Variants in XRCC4 observed in about 807,000 individuals in gnomAD.
The protein encoded by XRCC4 is X-ray repair cross complementing 4.
A neutral mutation model predicts 39.1 loss-of-function variants in XRCC4; 28 were observed. That is an observed-to-expected ratio of 0.72 (90% CI 0.53 to 0.98). XRCC4 has a LOEUF of 0.98. Ranked by LOEUF, XRCC4 falls within the 50% of genes least tolerant of loss-of-function variation. The probability of loss-of-function intolerance (pLI) is 0.00; values close to 1 mark genes in which losing one functional copy is unlikely to be tolerated. For synonymous variants in XRCC4, 123 were observed against 126.4 expected (o/e 0.97, Z 0.18); for missense variants, 350 against 376.4 (o/e 0.93, Z 0.58).
intron 7 of XRCC4, among the ~76,000 whole-genome samples, chr5:83,282,399 T>C (rs1049479052): frequency 2.0e-5 from 3 of 152,088 alleles, no homozygotes; most frequent in African/African-American, 7.2e-5. Flanking sequence ...TCTTAAAGTA[T>C]AGGATTCCAT....
chr5:83,296,414 A>T (rs1377763595), intron 7 of XRCC4, among the ~76,000 whole-genome samples: 1 of 152,150 alleles, frequency 6.6e-6, no homozygotes, highest in Non-Finnish European at 1.5e-5. Flanking sequence ...AATGAACAAT[A>T]CATTGATTCT....
chr5:83,248,701 T>A (rs992214469), intron 6 of XRCC4, among the ~76,000 whole-genome samples: 2 of 152,190 alleles, frequency 1.3e-5, no homozygotes, highest in African/African-American at 2.4e-5. Flanking sequence ...AAAATACATT[T>A]ATAATAAACC....
chr5:83,248,377 A>G (rs1391963552), intron 6 of XRCC4, among the ~76,000 whole-genome samples: 1 of 152,202 alleles, frequency 6.6e-6, no homozygotes, highest in Non-Finnish European at 1.5e-5. Flanking sequence ...CTGCTTGGCC[A>G]TGTATAAACT....
chr5:83,198,029 G>A (rs1014975647), intron 4 of XRCC4, among the ~76,000 whole-genome samples: 2 of 152,162 alleles, frequency 1.3e-5, no homozygotes, highest in African/African-American at 4.8e-5. Context: ...TTTGCATGCT[G>A]GAAAGGATTT....
intron 3 of XRCC4, among the ~76,000 whole-genome samples, chr5:83,156,248 A>T (rs16900198): frequency 6.6e-6 from 1 of 150,830 alleles, no homozygotes; most frequent in African/African-American, 2.4e-5. Context: ...TTTGGGAACC[A>T]TAAGTGAAAT....
the XRCC4 span, among the ~76,000 whole-genome samples, chr5:83,365,537 G>A: frequency 6.6e-6 from 1 of 152,260 alleles, no homozygotes; most frequent in African/African-American, 2.4e-5. Flanking sequence ...TCCCAGAAGG[G>A]TGAGACACAT....
At chr5:83,240,210 A>G (rs1752852795) in intron 6 of XRCC4, among the ~76,000 whole-genome samples, 1 of 152,098 alleles carries the variant, frequency 6.6e-6, no homozygotes, top group Admixed American at 6.6e-5. Context: ...AAAATATAGG[A>G]CATATTCAAG....
chr5:83,290,745 T>A (rs1382566024), intron 7 of XRCC4, among the ~76,000 whole-genome samples: 3 of 151,830 alleles, frequency 2.0e-5, no homozygotes, highest in Non-Finnish European at 4.4e-5. Context: ...TTTCCCTAAT[T>A]AAATAAATTG....
At chr5:83,177,438 C>CTTTGT (rs1554061575) in intron 3 of XRCC4, among the ~76,000 whole-genome samples, 1 of 98,358 alleles carries the variant, frequency 1.0e-5, no homozygotes. Flanking sequence ...GCTTTAATAC[C>CTTTGT]TTTTTTTTTT....
intron 6 of XRCC4, among the ~76,000 whole-genome samples, chr5:83,250,346 T>TC (rs1445466945): frequency 2.0e-5 from 3 of 152,298 alleles, no homozygotes; most frequent in Non-Finnish European, 2.9e-5. Context: ...GCATAAATAA[T>TC]CAATAATATG....
rs551195137 is a variant in XRCC4, at chr5:83,160,580, G to A, written c.316-35190G>A. On this transcript the variant is annotated intron_variant, in intron 3 of 7. Transcript: ENST00000396027. ...TGCAAGTGTACCACGTGGGATGATT[G>A]ATAACCTTTTATTAATATCATTCTG... 8.6e-4 allele frequency among the ~76,000 whole-genome samples: 131 copies of A among 152,186 alleles called. No homozygotes were observed. The Middle Eastern group carries it at 0.01, about 12-fold the overall frequency.
chr5:83,137,852 T>G (rs1747975607), intron 3 of XRCC4, among the ~76,000 whole-genome samples: 1 of 152,186 alleles, frequency 6.6e-6, no homozygotes, highest in African/African-American at 2.4e-5. Context: ...TATAGTAAAT[T>G]CCTTGAGGGA....
intron 3 of XRCC4, among the ~76,000 whole-genome samples, chr5:83,147,089 T>G (rs1443993783): frequency 6.6e-6 from 1 of 152,216 alleles, no homozygotes; most frequent in Non-Finnish European, 1.5e-5. Flanking sequence ...TAACAACTTC[T>G]CAAGCTTATC....
chr5:83,230,943 G>A (rs538573571), intron 6 of XRCC4, among the ~76,000 whole-genome samples: 7 of 151,620 alleles, frequency 4.6e-5, no homozygotes, highest in East Asian at 1.9e-4. Context: ...AGGGTTGCTC[G>A]TGTCTTATGC....
downstream of XRCC4, among the ~76,000 whole-genome samples, chr5:83,354,617 T>C (rs994566345): frequency 2.6e-5 from 4 of 152,224 alleles, no homozygotes; most frequent in Non-Finnish European, 5.9e-5. Flanking sequence ...TATAGCTATC[T>C]ACTTATACCT....
At chr5:83,370,711 T>C in the XRCC4 span, among the ~76,000 whole-genome samples, 8 of 152,152 alleles carry the variant, frequency 5.3e-5, no homozygotes, top group Non-Finnish European at 1.2e-4. Context: ...TTCATCTCCA[T>C]GACTAAGCAT....
chr5:83,196,508 A>T (rs1326973800), intron 4 of XRCC4, among the ~76,000 whole-genome samples: 2 of 151,464 alleles, frequency 1.3e-5, no homozygotes, highest in African/African-American at 2.4e-5. Context: ...GAAAAAAATA[A>T]TTTTTTTTTA....
chr5:83,105,534 G>A (rs79809386), intron 2 of XRCC4, among the ~76,000 whole-genome samples: 2,403 of 152,226 alleles, frequency 0.016, 33 homozygotes, highest in South Asian at 0.04. Flanking sequence ...AATTTGTAAT[G>A]CAAGGTTCAC....
chr5:83,200,818 T>A (rs906756668), intron 4 of XRCC4, among the ~76,000 whole-genome samples: 3 of 152,200 alleles, frequency 2.0e-5, no homozygotes, highest in African/African-American at 7.2e-5. Context: ...CAGTAATATG[T>A]ATGTTTTAAA....
Sources: allele counts gnomAD v4.1 joint callset (sites outside exome capture counted in the v4.1 genomes callset), GRCh38; gene constraint gnomAD v4.1.1; transcripts MANE v1.5; gene names NCBI Gene and HGNC (gene_info 2026-07-23, HGNC 2026-07-21).